ATAD3B: variants seen among roughly 807,000 people sequenced by gnomAD.
ATAD3B encodes ATPase family AAA domain-containing protein 3B.
Under a neutral mutation model 70.2 loss-of-function variants are expected in ATAD3B, and 59 were observed. The observed-to-expected ratio is 0.84, with a 90% CI of 0.68 to 1.04. ATAD3B has a LOEUF of 1.04. Among genes scored for constraint, ATAD3B ranks in the 50% least tolerant of loss-of-function variants. The probability of loss-of-function intolerance (pLI) is 0.00; values close to 1 mark genes in which losing one functional copy is unlikely to be tolerated. For missense variants in ATAD3B, 961 were observed against 913.4 expected, an observed-to-expected ratio of 1.05 and a Z score of -0.67; for synonymous variants, 423 against 388.6, an observed-to-expected ratio of 1.09 and a Z score of -1.04.
intron 2 of ATAD3B, 33 bp from the exon 3 acceptor site, chr1:1,478,611 C>G (rs1488057567): frequency 6.5e-7 from 1 of 1,549,268 alleles, no homozygotes; most frequent in Non-Finnish European, 8.7e-7. Context: ...CAGCCCTGAG[C>G]AAGTGCCAGC....
chr1:1,484,987 G>A (rs1181807716), intron 7 of ATAD3B, 29 bp from the exon 8 acceptor site: 10 of 1,589,052 alleles, frequency 6.3e-6, no homozygotes, highest in African/African-American at 4.0e-5. Context: ...GGTGGGGGCC[G>A]GTGCGCCAGT....
At chr1:1,473,649 C>T (rs1168604430) in intron 1 of ATAD3B, among the ~76,000 whole-genome samples, 1 of 151,318 alleles carries the variant, frequency 6.6e-6, no homozygotes, top group Non-Finnish European at 1.5e-5. Context: ...GCACGCGCCA[C>T]CACGCCCAGC....
At chr1:1,474,665 A>G (rs1046359097) in intron 1 of ATAD3B, among the ~76,000 whole-genome samples, 1 of 151,676 alleles carries the variant, frequency 6.6e-6, no homozygotes, top group Admixed American at 6.6e-5. Context: ...ACACCTGGCT[A>G]ATTTTTGTGT....
At position 1,496,397 on chromosome 1, in the gene ATAD3B, GC is replaced by G. The variant is rs1260939631; in HGVS notation, c.*581del. ...TGAATGCTGCCCGGGACTGCCGCCT[GC>G]GCCCCACCAGCCCCTCCCTCCTGAA... On this transcript the variant is annotated 3_prime_UTR_variant, in exon 16 of 16. Transcript: ENST00000673477. 1 of 302,072 alleles carries G rather than the reference GC, an allele frequency of 3.3e-6. No homozygotes were observed. Among genetic ancestry groups the G allele is most frequent in the Non-Finnish European group, 4.9e-6 (1 of 205,066 alleles). The allele number at this position is 302,072 out of a possible 1,614,324, so 18.7% of individuals were successfully genotyped here. A position where few individuals can be genotyped will look rare whatever the true frequency, so the allele number is the denominator to read the frequency against.
intron 8 of ATAD3B, among the ~76,000 whole-genome samples, chr1:1,485,461 C>T (rs1253533700): frequency 3.3e-5 from 5 of 151,822 alleles, no homozygotes; most frequent in South Asian, 4.2e-4. Flanking sequence ...GGCCGTCTGT[C>T]GGGGAAGCTG....
chr1:1,475,648 GCACCAGCGCTCGCCCTGCACTCCA>G (rs576215040), intron 1 of ATAD3B, among the ~76,000 whole-genome samples: 1,705 of 151,902 alleles, frequency 0.011, 45 homozygotes, highest in African/African-American at 0.039. Flanking sequence ...CTGTCTGTGA[GCACCAGCGCTCGCCCTGCACTCCA>G]CAGAGGGGGT....
At chr1:1,488,221 G>C (rs1258449638) in intron 12 of ATAD3B, among the ~76,000 whole-genome samples, 1 of 151,952 alleles carries the variant, frequency 6.6e-6, no homozygotes, top group Non-Finnish European at 1.5e-5. Context: ...CTCCCAAAAT[G>C]CTGGGATTAC....
rs576390781 is a variant in ATAD3B, at chr1:1,486,096, G to A, written c.964-14G>A. ...TGCAGAGTGTCTCCCCCAAACCCCCGTCTTCCCCGGCAGCCCAGCCTGGAA... is the reference window on the plus strand; with the variant it reads ...TGCAGAGTGTCTCCCCCAAACCCCCATCTTCCCCGGCAGCCCAGCCTGGAA... On this transcript the variant is annotated splice_polypyrimidine_tract_variant and intron_variant, in intron 9 of 15. Transcript: ENST00000673477. The A allele has an allele frequency of 2.2e-5, 35 of 1,612,852 alleles. No individual in the cohort carries two copies. The highest frequency in any genetic ancestry group is 1.6e-4 in the Middle Eastern group (1 of 6,062).
chr1:1,502,264 GAGTGC>G (rs1557442061), downstream of ATAD3B, among the ~76,000 whole-genome samples: 1 of 151,418 alleles, frequency 6.6e-6, no homozygotes, highest in Admixed American at 6.6e-5. Context: ...GCCCAGGCTG[GAGTGC>G]AGTGGCATAA....
intron 1 of ATAD3B, among the ~76,000 whole-genome samples, chr1:1,472,459 G>A (rs555666750): frequency 3.0e-4 from 46 of 152,094 alleles, no homozygotes; most frequent in African/African-American, 1.0e-3. Context: ...ATGGGTAGAT[G>A]GGTTTGTTGG....
At chr1:1,487,413 G>C (rs537331358) in intron 11 of ATAD3B, among the ~76,000 whole-genome samples, 2 of 151,514 alleles carry the variant, frequency 1.3e-5, no homozygotes, top group Non-Finnish European at 3.0e-5. Context: ...GCGTGAACCC[G>C]GGAGGCAGAG....
chr1:1,488,522 A>C (rs1007907142), intron 12 of ATAD3B, among the ~76,000 whole-genome samples: 1 of 151,922 alleles, frequency 6.6e-6, no homozygotes, highest in African/African-American at 2.4e-5. Flanking sequence ...GCACTTTGGG[A>C]GGCCAAGGCA....
At chr1:1,490,499 G>T in intron 14 of ATAD3B, 64 bp from the exon 15 acceptor site, 1 of 1,610,846 alleles carries the variant, frequency 6.2e-7, no homozygotes, top group South Asian at 1.1e-5. Flanking sequence ...CCTGTCTTCC[G>T]GCCTCCACCT....
At chr1:1,491,046 G>C (rs1640516286) in intron 15 of ATAD3B, among the ~76,000 whole-genome samples, 1 of 151,966 alleles carries the variant, frequency 6.6e-6, no homozygotes, top group Non-Finnish European at 1.5e-5. Context: ...GTTGGGTGGT[G>C]GGGGTGGAGG....
chr1:1,502,516 T>C (rs1640967626), downstream of ATAD3B, among the ~76,000 whole-genome samples: 1 of 140,532 alleles, frequency 7.1e-6, no homozygotes, highest in Non-Finnish European at 1.5e-5. Flanking sequence ...CATTTTTTTT[T>C]TTTTTTTTTT....
intron 1 of ATAD3B, among the ~76,000 whole-genome samples, chr1:1,474,857 G>A (rs1221692216): frequency 1.3e-5 from 2 of 151,444 alleles, no homozygotes; most frequent in African/African-American, 4.9e-5. Flanking sequence ...GGACTTCAGG[G>A]CACCTCGGAG....
chr1:1,475,287 C>T (rs1030115043), intron 1 of ATAD3B, among the ~76,000 whole-genome samples: 3 of 151,190 alleles, frequency 2.0e-5, no homozygotes, highest in African/African-American at 7.3e-5. Flanking sequence ...ATTTTGATCC[C>T]TTCTCTCCTT....
intron 15 of ATAD3B, 29 bp downstream of exon 15, chr1:1,490,700 G>T (rs1423890692): frequency 6.4e-7 from 1 of 1,551,444 alleles, no homozygotes; most frequent in African/African-American, 1.4e-5. Flanking sequence ...CGTCCACCCA[G>T]ACGGGACCCC....
intron 11 of ATAD3B, among the ~76,000 whole-genome samples, chr1:1,487,633 T>A (rs1015890895): frequency 2.6e-5 from 4 of 151,950 alleles, no homozygotes; most frequent in Non-Finnish European, 5.9e-5. Flanking sequence ...CAGAGTCTGT[T>A]GCCCCCTGTG....
Sources: allele counts gnomAD v4.1 joint callset (sites outside exome capture counted in the v4.1 genomes callset), GRCh38; gene constraint gnomAD v4.1.1; transcripts MANE v1.5; gene names NCBI Gene and HGNC (gene_info 2026-07-23, HGNC 2026-07-21).